KCNH7: variants seen among roughly 807,000 people sequenced by gnomAD.
KCNH7 encodes the protein voltage-gated inwardly rectifying potassium channel KCNH7.
Under a neutral mutation model 120.8 loss-of-function variants are expected in KCNH7, and 49 were observed. The ratio of observed to expected loss-of-function variants is 0.41; its 90% CI spans 0.32 to 0.51. The LOEUF (loss-of-function observed/expected upper bound fraction) is 0.51, where lower values mean the gene tolerates loss of function less well. Ranked by LOEUF, KCNH7 falls within the 20% of genes least tolerant of loss-of-function variation. KCNH7 has a pLI of 0.38. For missense variants in KCNH7, 1,097 were observed against 1,446.6 expected (o/e 0.76, Z 3.92); for synonymous variants, 547 against 516.1 (o/e 1.06, Z -0.81).
Position 162,396,826 on chromosome 2 carries a change from C to G in KCNH7, c.2527G>C (p.Glu843Gln), listed in dbSNP as rs985375730. 6.2e-7 allele frequency: 1 copy of G among 1,611,940 alleles called. No homozygotes were observed. Among genetic ancestry groups the G allele is most frequent in the Admixed American group, 1.7e-5 (1 of 59,768 alleles). The change falls in exon 11 of 16, where the codon GAG (glutamate) becomes CAG (glutamine). Residue 843 changes from glutamate to glutamine, a missense_variant. Physicochemically the swap from Glu to Gln is conservative, Grantham distance 29. Around this residue, in one of 8 missense-constraint regions of KCNH7, gnomAD observed 101 missense variants for 176.3 expected, o/e 0.57. Transcript: ENST00000332142. ...AACTCAGGATACATATCCAAAACCT[C>G]TAACAAGTCTTCTCGCTGAATCTTA... ...LHKIQREDLLEVLDMYPEFSD... is the reference protein window; with the variant it reads ...LHKIQREDLLQVLDMYPEFSD...
chr2:162,750,562 T>C (rs1688502692), intron 2 of KCNH7, among the ~76,000 whole-genome samples: 1 of 152,042 alleles, frequency 6.6e-6, no homozygotes, highest in African/African-American at 2.4e-5. Flanking sequence ...ATTTTCCAAG[T>C]TAAGGTTATA....
At chr2:162,668,626 CAAG>C (rs1244765260) in intron 2 of KCNH7, among the ~76,000 whole-genome samples, 1 of 151,954 alleles carries the variant, frequency 6.6e-6, no homozygotes, top group Non-Finnish European at 1.5e-5. Context: ...ATAAATCTTC[CAAG>C]AAGGGCTCAT....
intron 2 of KCNH7, among the ~76,000 whole-genome samples, chr2:162,754,149 A>G (rs1233173023): frequency 6.6e-6 from 1 of 152,128 alleles, no homozygotes; most frequent in Non-Finnish European, 1.5e-5. Context: ...CATAATGCCA[A>G]ACTAACACAA....
intron 2 of KCNH7, among the ~76,000 whole-genome samples, chr2:162,763,381 G>A (rs1689029997): frequency 6.6e-6 from 1 of 152,070 alleles, no homozygotes; most frequent in Non-Finnish European, 1.5e-5. Context: ...GATATACCAA[G>A]TAGATATAGT....
rs374304773 is a variant in KCNH7 at position 162,815,009 on chromosome 2, T to A, written c.307+21528A>T. 1.1e-4 allele frequency among the ~76,000 whole-genome samples: 16 copies of A among 152,294 alleles called. No homozygotes were observed. The East Asian group carries it at 2.9e-3, about 28-fold the overall frequency. On this transcript the variant is annotated intron_variant, in intron 2 of 15. Transcript: ENST00000332142. Reference sequence around the variant, plus strand: ...ACATTTGAATTCCTCCTCCCCTTTTTTCTGCCTCTGCATTTGTCTGTTACT... The same window carrying A: ...ACATTTGAATTCCTCCTCCCCTTTTATCTGCCTCTGCATTTGTCTGTTACT...
At chr2:162,532,303 A>T (rs540796436) in intron 3 of KCNH7, among the ~76,000 whole-genome samples, 7 of 151,884 alleles carry the variant, frequency 4.6e-5, no homozygotes, top group Non-Finnish European at 1.0e-4. Flanking sequence ...AACAGAGTTC[A>T]CCTTCAGCAG....
At chr2:162,423,898 A>T (rs1488953087) in intron 8 of KCNH7, among the ~76,000 whole-genome samples, 2 of 152,218 alleles carry the variant, frequency 1.3e-5, no homozygotes, top group Admixed American at 6.5e-5. Flanking sequence ...CTTGAAAAAA[A>T]TATGAGGCAA....
intron 2 of KCNH7, among the ~76,000 whole-genome samples, chr2:162,818,458 G>C (rs1314733460): frequency 6.6e-6 from 1 of 151,978 alleles, no homozygotes; most frequent in Non-Finnish European, 1.5e-5. Flanking sequence ...ATATTATGCT[G>C]ATATCAAACT....
At chr2:162,464,278 A>G (rs1384423064) in intron 6 of KCNH7, among the ~76,000 whole-genome samples, 3 of 151,974 alleles carry the variant, frequency 2.0e-5, no homozygotes, top group Admixed American at 2.0e-4. Flanking sequence ...TTGATTCTAA[A>G]TGGTCCTGAA....
chr2:162,572,198 A>T (rs1360911388), intron 2 of KCNH7, among the ~76,000 whole-genome samples: 2 of 152,110 alleles, frequency 1.3e-5, no homozygotes, highest in African/African-American at 4.8e-5. Flanking sequence ...ACAAATTTAC[A>T]AGAAAAAAAT....
At chr2:162,454,437 C>G (rs1688888364) in intron 6 of KCNH7, among the ~76,000 whole-genome samples, 1 of 152,080 alleles carries the variant, frequency 6.6e-6, no homozygotes, top group Non-Finnish European at 1.5e-5. Context: ...TATACCAGCT[C>G]TTTTTTGATT....
At chr2:162,462,537 AAGAGAG>A (rs10589133) in intron 6 of KCNH7, among the ~76,000 whole-genome samples, 13 of 147,660 alleles carry the variant, frequency 8.8e-5, no homozygotes, top group East Asian at 4.0e-4. Context: ...GAGAGAGAGC[AAGAGAG>A]AGAGAGAGAG....
intron 2 of KCNH7, among the ~76,000 whole-genome samples, chr2:162,693,061 T>C (rs1686170907): frequency 1.3e-5 from 2 of 152,074 alleles, no homozygotes. Context: ...ATAATAATGT[T>C]GAGTAGTCCA....
chr2:162,432,880 GATA>G (rs2105514986), intron 8 of KCNH7, among the ~76,000 whole-genome samples: 1 of 152,114 alleles, frequency 6.6e-6, no homozygotes, highest in South Asian at 2.1e-4. Context: ...CCTCTTTGCT[GATA>G]ATATTATTCT....
chr2:162,759,552 G>A (rs28718655), intron 2 of KCNH7, among the ~76,000 whole-genome samples: 2,521 of 152,050 alleles, frequency 0.017, 79 homozygotes, highest in African/African-American at 0.058. Flanking sequence ...AATAGTAAGG[G>A]CATGTCACAA....
chr2:162,546,410 G>A (rs1325386885), intron 2 of KCNH7, among the ~76,000 whole-genome samples: 1 of 151,938 alleles, frequency 6.6e-6, no homozygotes, highest in Non-Finnish European at 1.5e-5. Context: ...ATTTACAGCA[G>A]GCCCACCCAC....
intron 2 of KCNH7, among the ~76,000 whole-genome samples, chr2:162,700,371 A>G (rs1352654487): frequency 6.6e-6 from 1 of 152,142 alleles, no homozygotes; most frequent in Admixed American, 6.6e-5. Flanking sequence ...AAGCTGACTG[A>G]CCTCGTGACT....
intron 2 of KCNH7, among the ~76,000 whole-genome samples, chr2:162,761,849 G>T (rs944495404): frequency 6.6e-6 from 1 of 152,070 alleles, no homozygotes; most frequent in African/African-American, 2.4e-5. Flanking sequence ...CTTCTCAGCT[G>T]TGCCAGAACC....
chr2:162,665,959 A>T (rs892023670), intron 2 of KCNH7, among the ~76,000 whole-genome samples: 1 of 152,226 alleles, frequency 6.6e-6, no homozygotes, highest in Non-Finnish European at 1.5e-5. Context: ...CATGGTACAC[A>T]TATAACACTG....
Sources: allele counts gnomAD v4.1 joint callset (sites outside exome capture counted in the v4.1 genomes callset), GRCh38; gene constraint gnomAD v4.1.1; regional missense constraint gnomAD v4.1.1; transcripts MANE v1.5; gene names NCBI Gene and HGNC (gene_info 2026-07-23, HGNC 2026-07-21).